The following BRAF variants were observed in gnomAD, a reference collection of about 807,000 sequenced individuals.
BRAF encodes B-Raf proto-oncogene, serine/threonine kinase.
A neutral mutation model predicts 104.6 loss-of-function variants in BRAF; 16 were observed. The observed-to-expected ratio is 0.15, with a 90% CI of 0.10 to 0.23. BRAF has a LOEUF of 0.23. BRAF is among the 10% of genes least tolerant of loss of function. The probability of loss-of-function intolerance (pLI) is 1.00; values close to 1 mark genes in which losing one functional copy is unlikely to be tolerated. For missense variants in BRAF, 541 were observed against 937.3 expected, an observed-to-expected ratio of 0.58 and a Z score of 5.52; for synonymous variants, 310 against 341.6, an observed-to-expected ratio of 0.91 and a Z score of 1.02.
chr7:140,904,522 A>G (rs780293167), intron 1 of BRAF, among the ~76,000 whole-genome samples: 1 of 152,212 alleles, frequency 6.6e-6, no homozygotes, highest in Non-Finnish European at 1.5e-5. Context: ...GGTCTAAGAT[A>G]TATCAAGTTG....
intron 2 of BRAF, among the ~76,000 whole-genome samples, chr7:140,843,670 T>G (rs994275595): frequency 1.3e-5 from 2 of 152,326 alleles, no homozygotes; most frequent in African/African-American, 4.8e-5. Context: ...CATACATATA[T>G]ACACATGTAC....
Position 140,725,241 on chromosome 7 carries a change from T to C in BRAF, c.*1253A>G. ...GTTAGGAATCAGTTGGAAGAAACAA[T>C]GAGATTATTAGCAAAGATGTTAGTG... On this transcript the variant is annotated 3_prime_UTR_variant, in exon 20 of 20. Coordinates refer to ENST00000644969, the MANE Select transcript of BRAF (RefSeq NM_001374258.1). The C allele has an allele frequency of 4.8e-6, 5 of 1,044,630 alleles. No individual in the cohort carries two copies. The highest frequency in any genetic ancestry group is 5.8e-6 in the Non-Finnish European group (5 of 865,902). 64.7% of individuals were successfully genotyped at this position (1,044,630 alleles called of 1,614,324 possible). A position where few individuals can be genotyped will look rare whatever the true frequency, so the allele number is the denominator to read the frequency against.
At chr7:140,796,589 A>G (rs1043851692) in intron 7 of BRAF, among the ~76,000 whole-genome samples, 1 of 152,220 alleles carries the variant, frequency 6.6e-6, no homozygotes, top group African/African-American at 2.4e-5. Flanking sequence ...CTTCACTATC[A>G]TATCTAAAGA....
intron 18 of BRAF, 53 bp from the exon 18 acceptor site, chr7:140,734,823 A>G: frequency 1.4e-6 from 2 of 1,481,412 alleles, no homozygotes; most frequent in Non-Finnish European, 1.8e-6. Context: ...AGAAAAAAAA[A>G]GAAAGAAAGA....
chr7:140,728,084 T>C (rs978638869), intron 19 of BRAF, among the ~76,000 whole-genome samples: 1 of 152,236 alleles, frequency 6.6e-6, no homozygotes, highest in Non-Finnish European at 1.5e-5. Context: ...AGATTGCTAA[T>C]GACTGGATGA....
intron 1 of BRAF, among the ~76,000 whole-genome samples, chr7:140,853,507 T>C (rs940709093): frequency 1.3e-5 from 2 of 152,190 alleles, no homozygotes; most frequent in African/African-American, 4.8e-5. Context: ...TGTTCTCCCG[T>C]CACTCATCCC....
chr7:140,910,412 G>A (rs1816837404), intron 1 of BRAF, among the ~76,000 whole-genome samples: 1 of 152,046 alleles, frequency 6.6e-6, no homozygotes, highest in Admixed American at 6.6e-5. Flanking sequence ...GGTTAATCAC[G>A]TGCTGCCATA....
chr7:140,824,630 G>C (rs563889426), intron 3 of BRAF, among the ~76,000 whole-genome samples: 1 of 151,438 alleles, frequency 6.6e-6, no homozygotes, highest in South Asian at 2.1e-4. Flanking sequence ...ATGAATTTTA[G>C]GACGGACTTT....
chr7:140,714,698 G>T (rs768322980), downstream of BRAF, among the ~76,000 whole-genome samples: 13 of 152,124 alleles, frequency 8.5e-5, no homozygotes, highest in Non-Finnish European at 1.2e-4. Context: ...TCACTCAGGC[G>T]TTGAGAATCT....
chr7:140,812,730 A>T (rs1317871334), intron 3 of BRAF, among the ~76,000 whole-genome samples: 1 of 152,208 alleles, frequency 6.6e-6, no homozygotes, highest in Non-Finnish European at 1.5e-5. Flanking sequence ...ACCAAAATAG[A>T]CCCTAACACA....
chr7:140,726,307 T>C lies in BRAF; in HGVS notation c.*187A>G. 2 of 1,423,324 alleles carry C rather than the reference T, an allele frequency of 1.4e-6. No homozygotes were observed. Among genetic ancestry groups the C allele is most frequent in the Non-Finnish European group, 1.8e-6 (2 of 1,096,522 alleles). The allele number at this position is 1,423,324 out of a possible 1,614,324, so 88.2% of individuals were successfully genotyped here. On this transcript the variant is annotated 3_prime_UTR_variant, in exon 20 of 20. Coordinates refer to ENST00000644969, the MANE Select transcript of BRAF (RefSeq NM_001374258.1). The stretch of plus-strand genomic sequence containing the variant: ...TGAAGAAACACTGGCAGCAGAGAAT[T>C]CTGGTTCCTAAAACATTCTTTCCTC...
At chr7:140,745,257 A>T (rs1797256263) in intron 17 of BRAF, among the ~76,000 whole-genome samples, 1 of 152,162 alleles carries the variant, frequency 6.6e-6, no homozygotes, top group South Asian at 2.1e-4. Flanking sequence ...ATTTAAACTT[A>T]AGATAAAAAC....
At chr7:140,873,233 C>T (rs548852036) in intron 1 of BRAF, among the ~76,000 whole-genome samples, 120 of 146,418 alleles carry the variant, frequency 8.2e-4, no homozygotes, top group African/African-American at 2.9e-3. Flanking sequence ...TGCAATGGCA[C>T]GATCTCGGCT....
Position 140,783,009 on chromosome 7 carries a change from A to G in BRAF, c.1434+12T>C, listed in dbSNP as rs765090629. ...AAGAATTCAGAGAAAAAAAGATATC[A>G]TATACTCTTACCATTCGATTCCTGT... On this transcript the variant is annotated intron_variant, in intron 11 of 19. Transcript: ENST00000644969. 43 of 1,612,810 alleles carry G rather than the reference A, an allele frequency of 2.7e-5. No homozygotes were observed. Among genetic ancestry groups the G allele is most frequent in the Non-Finnish European group, 3.1e-5 (36 of 1,179,750 alleles).
chr7:140,912,874 C>G (rs1349777834), intron 1 of BRAF, among the ~76,000 whole-genome samples: 2 of 152,288 alleles, frequency 1.3e-5, no homozygotes, highest in East Asian at 3.9e-4. Flanking sequence ...CATCCAAAAT[C>G]TGACTACTTC....
chr7:140,718,353 C>T (rs1330118568), downstream of BRAF, among the ~76,000 whole-genome samples: 1 of 152,182 alleles, frequency 6.6e-6, no homozygotes, highest in Admixed American at 6.5e-5. Context: ...CGGGTTCAAG[C>T]GATTCTCCTG....
At chr7:140,758,576 T>C (rs1471312707) in intron 14 of BRAF, among the ~76,000 whole-genome samples, 1 of 151,954 alleles carries the variant, frequency 6.6e-6, no homozygotes, top group Non-Finnish European at 1.5e-5. Context: ...CAACTCAGCA[T>C]CTTGTGTAGC....
In BRAF at chr7:140,783,031, C is replaced by T. The variant is rs1562957691; in HGVS notation, c.1424G>A (p.Arg475Lys). 3 of 1,613,754 alleles carry T rather than the reference C, an allele frequency of 1.9e-6. No homozygotes were observed. The highest frequency in any genetic ancestry group is 1.7e-5 in the Admixed American group (1 of 60,010). ...ERKSSSSSED[R>K]NRMKTLGRRD... is the part of the protein sequence containing the mutation. ...ATCATATACTCTTACCATTCGATTC[C>T]TGTCTTCTGAGGATGAAGATGACTT... The change falls in exon 11 of 20, where the codon AGG becomes AAG. Residue 475 changes from arginine to lysine, a missense_variant. Around this residue, in one of 10 missense-constraint regions of BRAF, gnomAD observed 109 missense variants for 143.9 expected, o/e 0.76. Transcript: ENST00000644969.
chr7:140,887,097 G>T (rs1309849310), intron 1 of BRAF, among the ~76,000 whole-genome samples: 1 of 152,166 alleles, frequency 6.6e-6, no homozygotes, highest in Non-Finnish European at 1.5e-5. Context: ...TTGAGTAACT[G>T]ACCATTCCAA....
Sources: allele counts gnomAD v4.1 joint callset (sites outside exome capture counted in the v4.1 genomes callset), GRCh38; gene constraint gnomAD v4.1.1; regional missense constraint gnomAD v4.1.1; transcripts MANE v1.5; gene names NCBI Gene and HGNC (gene_info 2026-07-23, HGNC 2026-07-21).